The following ZNF654 variants were observed in gnomAD, a reference collection of about 807,000 sequenced individuals.
ZNF654 encodes melanoma-associated antigen.
ZNF654 carries 19 observed loss-of-function variants against 95.3 expected under a neutral mutation model. The ratio of observed to expected loss-of-function variants is 0.20; its 90% CI spans 0.14 to 0.29. The LOEUF is 0.29. Ranked by LOEUF, ZNF654 falls within the 10% of genes least tolerant of loss-of-function variation. The probability of loss-of-function intolerance (pLI) is 1.00; values close to 1 mark genes in which losing one functional copy is unlikely to be tolerated. For synonymous variants in ZNF654, 413 were observed against 457.9 expected (o/e 0.90, Z 1.25); for missense variants, 1,046 against 1,341.0 (o/e 0.78, Z 3.44).
intron 2 of ZNF654, among the ~76,000 whole-genome samples, chr3:88,100,653 T>C (rs1322427600): frequency 6.6e-6 from 1 of 152,176 alleles, no homozygotes; most frequent in African/African-American, 2.4e-5. Context: ...GTTCATGTCC[T>C]TTGTAGGGAC....
chr3:88,114,985 C>T (rs1411226241), intron 3 of ZNF654, among the ~76,000 whole-genome samples: 1 of 152,188 alleles, frequency 6.6e-6, no homozygotes, highest in African/African-American at 2.4e-5. Flanking sequence ...TAAGTGCAAA[C>T]CCTAGCTCCG....
chr3:88,083,840 T>C (rs1364549348), intron 1 of ZNF654, among the ~76,000 whole-genome samples: 2 of 152,080 alleles, frequency 1.3e-5, no homozygotes, highest in Non-Finnish European at 2.9e-5. Context: ...GCTTACTGCC[T>C]TGTGGCCTTG....
At chr3:88,081,162 AT>A (rs1211068836) in intron 1 of ZNF654, among the ~76,000 whole-genome samples, 2 of 152,130 alleles carry the variant, frequency 1.3e-5, no homozygotes, top group Non-Finnish European at 2.9e-5. Flanking sequence ...CAATCTATGC[AT>A]TTTTGGCAGA....
chr3:88,064,107 TTC>T (rs1184784281), intron 1 of ZNF654, among the ~76,000 whole-genome samples: 11 of 61,834 alleles, frequency 1.8e-4, no homozygotes, highest in Admixed American at 3.9e-4. Flanking sequence ...AACGAGCTTC[TTC>T]TTTTTTTTTT....
At chr3:88,089,187 G>A (rs140078072) in intron 2 of ZNF654, among the ~76,000 whole-genome samples, 1,747 of 107,606 alleles carry the variant, frequency 0.016, 26 homozygotes, top group Non-Finnish European at 0.025. Flanking sequence ...TCAAGCTTAC[G>A]TATTAAAAAA....
Position 88,140,288 on chromosome 3 carries a change from A to G in ZNF654, c.2619A>G (p.Thr873=), listed in dbSNP as rs1707040500. The change falls in exon 8 of 9, where the codon ACA becomes ACG. Residue 873 remains threonine, a synonymous_variant. Coordinates refer to ENST00000636215, the MANE Select transcript of ZNF654 (RefSeq NM_001350134.2). ...EHEAQHYLSK[T]PESSAQPSET... ...AAGCTCAACACTATTTAAGTAAAAC[A>G]CCAGAGTCATCTGCACAACCAAGTG... 6.2e-7 allele frequency: 1 copy of G among 1,613,662 alleles called. No homozygotes were observed.
chr3:88,121,035 G>A (rs2107799347), intron 3 of ZNF654, among the ~76,000 whole-genome samples: 1 of 151,918 alleles, frequency 6.6e-6, no homozygotes, highest in Non-Finnish European at 1.5e-5. Flanking sequence ...AAACCACCAT[G>A]GTACGTGTAT....
chr3:88,067,207 T>C (rs1429487548), intron 1 of ZNF654, among the ~76,000 whole-genome samples: 1 of 152,214 alleles, frequency 6.6e-6, no homozygotes, highest in Non-Finnish European at 1.5e-5. Context: ...TGGTAAGTGC[T>C]ATGAAGAAAA....
At chr3:88,065,446 T>C (rs746978242) in intron 1 of ZNF654, among the ~76,000 whole-genome samples, 3 of 152,138 alleles carry the variant, frequency 2.0e-5, no homozygotes, top group Non-Finnish European at 4.4e-5. Context: ...CCCTTTTCCC[T>C]AAACAATCAT....
chr3:88,114,600 C>A (rs1461391059), intron 3 of ZNF654, among the ~76,000 whole-genome samples: 1 of 152,176 alleles, frequency 6.6e-6, no homozygotes, highest in African/African-American at 2.4e-5. Flanking sequence ...TTTTAAAAAT[C>A]TCTGCCATTT....
chr3:88,116,529 GA>G (rs199711763), intron 3 of ZNF654, among the ~76,000 whole-genome samples: 23 of 133,482 alleles, frequency 1.7e-4, no homozygotes, highest in East Asian at 1.3e-3. Flanking sequence ...TGTCTCAAAA[GA>G]AAAAAAAATA....
chr3:88,103,255 A>G (rs752396732), intron 2 of ZNF654, among the ~76,000 whole-genome samples: 4 of 152,204 alleles, frequency 2.6e-5, no homozygotes, highest in Non-Finnish European at 4.4e-5. Flanking sequence ...GAAAAGACAG[A>G]TAATACGTTT....
chr3:88,123,032 AAG>A (rs1705873361), intron 3 of ZNF654, among the ~76,000 whole-genome samples: 1 of 151,850 alleles, frequency 6.6e-6, no homozygotes, highest in South Asian at 2.1e-4. Context: ...AAAAAGTAAA[AAG>A]AAAAAAAGAA....
chr3:88,101,846 C>G (rs1385936857), intron 2 of ZNF654, among the ~76,000 whole-genome samples: 2 of 152,102 alleles, frequency 1.3e-5, no homozygotes, highest in Non-Finnish European at 2.9e-5. Flanking sequence ...TTCATAATAG[C>G]CATTTTAATG....
At chr3:88,116,879 T>C (rs1445665110) in intron 3 of ZNF654, among the ~76,000 whole-genome samples, 1 of 152,188 alleles carries the variant, frequency 6.6e-6, no homozygotes, top group Non-Finnish European at 1.5e-5. Flanking sequence ...CAGAGACTTA[T>C]TCACCTGCTA....
intron 2 of ZNF654, among the ~76,000 whole-genome samples, chr3:88,106,959 A>T (rs951983421): frequency 2.0e-5 from 3 of 152,056 alleles, no homozygotes; most frequent in Admixed American, 2.0e-4. Flanking sequence ...CTATTGTTTC[A>T]TTAGCCTATT....
At position 88,143,828 on chromosome 3, in the gene ZNF654, C is replaced by T. The variant is rs1394691892; in HGVS notation, c.*2176C>T. 3 of 151,878 alleles carry T rather than the reference C, an allele frequency of 2.0e-5. No individual in the cohort carries two copies. Among genetic ancestry groups the T allele is most frequent in the Non-Finnish European group, 3.0e-5 (2 of 67,786 alleles). 9.4% of individuals were successfully genotyped at this position (151,878 alleles called of 1,614,324 possible). A position where few individuals can be genotyped will look rare whatever the true frequency, so the allele number is the denominator to read the frequency against. On this transcript the variant is annotated 3_prime_UTR_variant, in exon 9 of 9. Coordinates refer to ENST00000636215, the MANE Select transcript of ZNF654 (RefSeq NM_001350134.2). ...CTATTTGACCACACTGTCTTAACCTCGGTTTATATACTTCTCAAATAGCTA... is the reference window on the plus strand; with the variant it reads ...CTATTTGACCACACTGTCTTAACCTTGGTTTATATACTTCTCAAATAGCTA...
At chr3:88,100,813 G>A (rs902592171) in intron 2 of ZNF654, among the ~76,000 whole-genome samples, 1 of 152,104 alleles carries the variant, frequency 6.6e-6, no homozygotes, top group Non-Finnish European at 1.5e-5. Flanking sequence ...CCTGTCATGG[G>A]GTGGGGAAAG....
chr3:88,109,456 C>T (rs1704958147), intron 2 of ZNF654, among the ~76,000 whole-genome samples: 1 of 151,988 alleles, frequency 6.6e-6, no homozygotes, highest in African/African-American at 2.4e-5. Flanking sequence ...ACCTAATTTT[C>T]CTTTACTTAA....
Sources: allele counts gnomAD v4.1 joint callset (sites outside exome capture counted in the v4.1 genomes callset), GRCh38; gene constraint gnomAD v4.1.1; transcripts MANE v1.5; gene names NCBI Gene and HGNC (gene_info 2026-07-23, HGNC 2026-07-21).